Variants in LRRC17 observed in about 807,000 individuals in gnomAD.
LRRC17 encodes leucine-rich repeat-containing protein 17.
Under a neutral mutation model 41.5 loss-of-function variants are expected in LRRC17, and 33 were observed. The ratio of observed to expected loss-of-function variants is 0.80; its 90% CI spans 0.60 to 1.06. LRRC17 has a LOEUF of 1.06. Among genes scored for constraint, LRRC17 ranks in the 50% least tolerant of loss-of-function variants. The pLI, the probability that LRRC17 is intolerant of heterozygous loss-of-function variation, is 0.00. For synonymous variants in LRRC17, 192 were observed against 197.0 expected (o/e 0.97, Z 0.21); for missense variants, 491 against 519.3 (o/e 0.95, Z 0.53).
At chr7:102,937,347 A>AC (rs1820523358) in intron 2 of LRRC17, among the ~76,000 whole-genome samples, 1 of 149,756 alleles carries the variant, frequency 6.7e-6, no homozygotes, top group Non-Finnish European at 1.5e-5. Context: ...TAAAAATACA[A>AC]AAAAAAAAAA....
chr7:102,919,924 A>G (rs1584938850), intron 1 of LRRC17, among the ~76,000 whole-genome samples: 1 of 152,246 alleles, frequency 6.6e-6, no homozygotes, highest in East Asian at 1.9e-4. Context: ...CCTAGAGTTA[A>G]GACTACATAC....
At position 102,934,358 on chromosome 7, in the gene LRRC17, T is replaced by G. The variant is rs896865799; in HGVS notation, c.445T>G (p.Phe149Val). ...NQIKVLTEEV[F>V]IYTPLLSYLR... ...GATCAAAGTCTTGACGGAGGAAGTGTTCATTTACACACCTCTCTTGAGCTA... is the reference window on the plus strand; with the variant it reads ...GATCAAAGTCTTGACGGAGGAAGTGGTCATTTACACACCTCTCTTGAGCTA... Residue 149 changes from phenylalanine (F) to valine (V), a missense_variant, in exon 2 of 4, where the codon TTC becomes GTC. Phe to Val is a conservative substitution (Grantham distance 50). Transcript: ENST00000339431. The G allele has an allele frequency of 1.2e-6, 2 of 1,614,032 alleles. No individual in the cohort carries two copies. The highest frequency in any genetic ancestry group is 1.7e-6 in the Non-Finnish European group (2 of 1,180,032).
intron 3 of LRRC17, among the ~76,000 whole-genome samples, chr7:102,940,635 G>A (rs1454146046): frequency 2.6e-5 from 4 of 152,176 alleles, no homozygotes; most frequent in Admixed American, 1.3e-4. Flanking sequence ...AGGATAAAAT[G>A]TGCTCAAACC....
At chr7:102,941,839 C>T (rs1563126602) in intron 3 of LRRC17, among the ~76,000 whole-genome samples, 2 of 151,330 alleles carry the variant, frequency 1.3e-5, no homozygotes, top group African/African-American at 4.9e-5. Context: ...TTAGTTACAA[C>T]AAAACTAGTA....
At chr7:102,938,825 C>T (rs1585042164) in intron 2 of LRRC17, among the ~76,000 whole-genome samples, 1 of 152,120 alleles carries the variant, frequency 6.6e-6, no homozygotes, top group African/African-American at 2.4e-5. Flanking sequence ...TTTTCTAAGC[C>T]ACACTAGGAA....
At chr7:102,921,143 C>T (rs761992196) in intron 1 of LRRC17, among the ~76,000 whole-genome samples, 3 of 151,434 alleles carry the variant, frequency 2.0e-5, no homozygotes, top group African/African-American at 4.9e-5. Context: ...CAGGGCGAGA[C>T]TCCGTCTCAA....
At chr7:102,920,387 A>C (rs1480395600) in intron 1 of LRRC17, among the ~76,000 whole-genome samples, 1 of 151,766 alleles carries the variant, frequency 6.6e-6, no homozygotes, top group Non-Finnish European at 1.5e-5. Context: ...TTTTTTCTTG[A>C]GACAGGGTCT....
In LRRC17 at chr7:102,939,489, A is replaced by C. The variant is rs570221585; in HGVS notation, c.832A>C (p.Asn278His). Residue 278 changes from asparagine to histidine, a missense_variant, in exon 3 of 4, where the codon AAT becomes CAT. Coordinates refer to ENST00000339431, the MANE Select transcript of LRRC17 (RefSeq NM_001031692.3). ...TATTGTTAAACTTGACTTGTCATAC[A>C]ATAAAATCAACCAACTTCGACCCAA... ...PDIVKLDLSY[N>H]KINQLRPKEF... 10 of 1,614,030 alleles carry C rather than the reference A, an allele frequency of 6.2e-6. No individual in the cohort carries two copies. The South Asian group carries it at 9.9e-5, about 16-fold the overall frequency.
At chr7:102,939,379 G>A (rs79688042) in intron 2 of LRRC17, 51 bp from the exon 3 acceptor site, 116,115 of 1,497,284 alleles carry the variant, frequency 0.078, 4,952 homozygotes, top group South Asian at 0.14. Flanking sequence ...GGTGACCGAG[G>A]AAATGGGGGC....
chr7:102,914,195 C>G (rs1006628431), intron 1 of LRRC17, among the ~76,000 whole-genome samples: 1 of 152,240 alleles, frequency 6.6e-6, no homozygotes, highest in Non-Finnish European at 1.5e-5. Flanking sequence ...GCCTCAGCCT[C>G]CCAAGTGGCT....
chr7:102,939,730 A>C, intron 3 of LRRC17, 145 bp downstream of exon 3: 1 of 759,308 alleles, frequency 1.3e-6, no homozygotes, highest in Non-Finnish European at 2.0e-6. Context: ...TGACACTTAT[A>C]CTAGGAGTTG....
chr7:102,924,831 C>T (rs1053831268), intron 1 of LRRC17, among the ~76,000 whole-genome samples: 6 of 151,680 alleles, frequency 4.0e-5, no homozygotes, highest in South Asian at 2.1e-4. Context: ...TTAGTAGAGA[C>T]GGGGTTTCAC....
chr7:102,940,175 T>C (rs964578559), intron 3 of LRRC17, among the ~76,000 whole-genome samples: 19 of 151,620 alleles, frequency 1.3e-4, no homozygotes, highest in African/African-American at 4.6e-4. Flanking sequence ...ATTACAGGCA[T>C]GAGCCACCGC....
chr7:102,942,277 T>C, intron 3 of LRRC17: 1 of 1,590,872 alleles, frequency 6.3e-7, no homozygotes, highest in Non-Finnish European at 8.5e-7. Context: ...ATGAAAGGTC[T>C]CCTATATTTC....
At chr7:102,925,921 A>G (rs2129471929) in intron 1 of LRRC17, among the ~76,000 whole-genome samples, 1 of 144,132 alleles carries the variant, frequency 6.9e-6, no homozygotes, top group East Asian at 2.1e-4. Flanking sequence ...AGCCTGGGCG[A>G]CAGAGCAAGA....
At position 102,925,165 on chromosome 7, in the gene LRRC17, G is replaced by A. The variant is rs369536413; in HGVS notation, c.-140-8609G>A. Among the ~76,000 whole-genome samples, 16 of 152,296 alleles carry A rather than the reference G, an allele frequency of 1.1e-4. No individual in the cohort carries two copies. In the East Asian group the frequency reaches 1.6e-3, roughly 15 times the overall value. On this transcript the variant is annotated intron_variant, in intron 1 of 3. Coordinates refer to ENST00000339431, the MANE Select transcript of LRRC17 (RefSeq NM_001031692.3). ...TGCCAGCACTTTGGGAGGCCCAAGT[G>A]GGCAGATCATTTGAGCCCAGGAGTT... is the stretch of plus-strand genomic sequence containing the variant.
chr7:102,918,429 T>G, intron 1 of LRRC17, among the ~76,000 whole-genome samples: 1 of 152,214 alleles, frequency 6.6e-6, no homozygotes, highest in East Asian at 1.9e-4. Flanking sequence ...GCTGTCATAT[T>G]ACCTTCAATT....
At position 102,944,566 on chromosome 7, in the gene LRRC17, A is replaced by G. The variant is rs1416029781; in HGVS notation, c.1285A>G (p.Thr429Ala). 3.1e-6 allele frequency: 5 copies of G among 1,611,350 alleles called. No homozygotes were observed. In the Admixed American group the frequency reaches 8.4e-5, roughly 27 times the overall value. Reference protein sequence around the residue: ...DEWEKKHRDHTAKKQSVIITI... With the variant: ...DEWEKKHRDHAAKKQSVIITI... Reference sequence around the variant, plus strand: ...ATGGGAAAAAAAACATAGAGATCACACCGCAAAGAAGCAAAGCGTAATAAT... The same window carrying G: ...ATGGGAAAAAAAACATAGAGATCACGCCGCAAAGAAGCAAAGCGTAATAAT... The change falls in exon 4 of 4, where the codon ACC becomes GCC. Residue 429 changes from threonine (T) to alanine (A), a missense_variant. Physicochemically the swap from Thr to Ala is moderately conservative, Grantham distance 58. Transcript: ENST00000339431.
intron 1 of LRRC17, among the ~76,000 whole-genome samples, chr7:102,932,596 G>T (rs554611969): frequency 0.018 from 48 of 2,726 alleles, 1 homozygote; most frequent in Non-Finnish European, 0.084. Context: ...TGTTTGTTTC[G>T]TTTTTTTGAG....
Sources: allele counts gnomAD v4.1 joint callset (sites outside exome capture counted in the v4.1 genomes callset), GRCh38; gene constraint gnomAD v4.1.1; transcripts MANE v1.5; gene names NCBI Gene and HGNC (gene_info 2026-07-23, HGNC 2026-07-21).